The following RHOU variants were observed in gnomAD, a reference collection of about 807,000 sequenced individuals.
RHOU encodes ras homolog family member U.
RHOU carries 8 observed loss-of-function variants against 12.6 expected under a neutral mutation model. That is an observed-to-expected ratio of 0.64 (90% CI 0.37 to 1.15). The LOEUF (loss-of-function observed/expected upper bound fraction) is 1.15, where lower values mean the gene tolerates loss of function less well. Ranked by LOEUF, RHOU falls within the 50% of genes most tolerant of loss-of-function variation. RHOU has a pLI of 0.01. For missense variants in RHOU, 258 were observed against 347.0 expected (o/e 0.74, Z 2.04); for synonymous variants, 161 against 147.4 (o/e 1.09, Z -0.67).
At chr1:228,740,885 A>G (rs1291135599) in intron 2 of RHOU, among the ~76,000 whole-genome samples, 1 of 152,216 alleles carries the variant, frequency 6.6e-6, no homozygotes, top group Non-Finnish European at 1.5e-5. Context: ...AGGCGAGTCT[A>G]TAAGATGTCA....
chr1:228,660,390 C>T, the RHOU span, among the ~76,000 whole-genome samples: 1 of 150,946 alleles, frequency 6.6e-6, no homozygotes, highest in Non-Finnish European at 1.5e-5. Context: ...ACTTTTCTAT[C>T]AAATATTTAG....
chr1:228,741,204 T>G (rs1451434197), intron 2 of RHOU, among the ~76,000 whole-genome samples: 1 of 152,216 alleles, frequency 6.6e-6, no homozygotes, highest in Non-Finnish European at 1.5e-5. Context: ...ACCACAGACC[T>G]GGCAAGCACA....
chr1:228,695,950 G>T, the RHOU span, among the ~76,000 whole-genome samples: 1 of 152,166 alleles, frequency 6.6e-6, no homozygotes, highest in South Asian at 2.1e-4. Flanking sequence ...AAGCTGCCTA[G>T]GGGCTGCCAG....
chr1:228,686,543 T>C, the RHOU span, among the ~76,000 whole-genome samples: 2 of 152,240 alleles, frequency 1.3e-5, no homozygotes, highest in African/African-American at 4.8e-5. Context: ...AATACTCTCC[T>C]ACACCATGAG....
the RHOU span, among the ~76,000 whole-genome samples, chr1:228,712,785 A>G: frequency 6.6e-6 from 1 of 151,134 alleles, no homozygotes; most frequent in Non-Finnish European, 1.5e-5. Flanking sequence ...CATTGTGCAC[A>G]TGTACCCTAA....
chr1:228,651,430 T>C, the RHOU span: 1 of 153,708 alleles, frequency 6.5e-6, no homozygotes, highest in South Asian at 2.0e-4. Context: ...TGACTTTTGT[T>C]TTTAAGAATG....
At chr1:228,705,689 C>A in the RHOU span, among the ~76,000 whole-genome samples, 1 of 152,110 alleles carries the variant, frequency 6.6e-6, no homozygotes, top group African/African-American at 2.4e-5. Flanking sequence ...TTATTAGATC[C>A]AATCTGATCC....
At chr1:228,713,093 A>C in the RHOU span, among the ~76,000 whole-genome samples, 6 of 152,080 alleles carry the variant, frequency 3.9e-5, no homozygotes, top group Admixed American at 3.3e-4. Flanking sequence ...TACAACTTCT[A>C]AAATTCTTGG....
At chr1:228,680,216 G>T in the RHOU span, among the ~76,000 whole-genome samples, 1 of 152,174 alleles carries the variant, frequency 6.6e-6, no homozygotes, top group African/African-American at 2.4e-5. Context: ...TGATCCGGCA[G>T]CATCAGATCT....
At chr1:228,732,422 C>T (rs1662514587), upstream of RHOU, among the ~76,000 whole-genome samples, 1 of 152,050 alleles carries the variant, frequency 6.6e-6, no homozygotes, top group Non-Finnish European at 1.5e-5. Flanking sequence ...AAACATGGAC[C>T]CAAATGAGTG....
At chr1:228,651,204 C>A in the RHOU span, 1 of 209,008 alleles carries the variant, frequency 4.8e-6, no homozygotes, top group East Asian at 1.3e-4. Flanking sequence ...CCCTAGCTTC[C>A]CTCCTACCAG....
At chr1:228,670,033 C>T in the RHOU span, among the ~76,000 whole-genome samples, 38 of 152,300 alleles carry the variant, frequency 2.5e-4, 1 homozygote, top group East Asian at 6.7e-3. Context: ...TGGGCCTGGC[C>T]TTGCTCTTGG....
chr1:228,741,539 G>C (rs1662720660), intron 2 of RHOU, among the ~76,000 whole-genome samples: 1 of 152,118 alleles, frequency 6.6e-6, no homozygotes, highest in East Asian at 1.9e-4. Context: ...TTCTTTCTTT[G>C]AGGCCCTCTA....
the RHOU span, among the ~76,000 whole-genome samples, chr1:228,647,180 A>G: frequency 6.6e-6 from 1 of 152,210 alleles, no homozygotes; most frequent in Non-Finnish European, 1.5e-5. Flanking sequence ...GGCCCGTGCG[A>G]GAGGACCAAC....
At chr1:228,659,342 C>T in the RHOU span, among the ~76,000 whole-genome samples, 2 of 152,160 alleles carry the variant, frequency 1.3e-5, no homozygotes, top group South Asian at 4.2e-4. Context: ...CACACCATTG[C>T]ACTCCAGCCT....
chr1:228,740,247 A>G (rs1448384772), intron 2 of RHOU, among the ~76,000 whole-genome samples: 1 of 152,214 alleles, frequency 6.6e-6, no homozygotes, highest in Non-Finnish European at 1.5e-5. Context: ...TACATTTGTA[A>G]GTTTCAGTTT....
At chr1:228,731,056 A>G (rs573833251), upstream of RHOU, among the ~76,000 whole-genome samples, 1 of 152,174 alleles carries the variant, frequency 6.6e-6, no homozygotes, top group Non-Finnish European at 1.5e-5. Context: ...ACTATTAATT[A>G]TTTGCTAGTG....
At chr1:228,685,796 C>A in the RHOU span, among the ~76,000 whole-genome samples, 8 of 152,178 alleles carry the variant, frequency 5.3e-5, no homozygotes, top group African/African-American at 1.9e-4. Flanking sequence ...TTTAGTGAAA[C>A]CCTTAATCAG....
the RHOU span, among the ~76,000 whole-genome samples, chr1:228,668,668 TAA>T: frequency 6.6e-6 from 1 of 152,204 alleles, no homozygotes; most frequent in Non-Finnish European, 1.5e-5. Flanking sequence ...CACTAAATTA[TAA>T]AAAGAGCTTT....
Sources: allele counts gnomAD v4.1 joint callset (sites outside exome capture counted in the v4.1 genomes callset), GRCh38; gene constraint gnomAD v4.1.1; transcripts MANE v1.5; gene names NCBI Gene and HGNC (gene_info 2026-07-23, HGNC 2026-07-21).